The following EPG5 variants were observed in gnomAD, a reference collection of about 807,000 sequenced individuals.
The protein encoded by EPG5 is ectopic P-granules 5 autophagy tethering factor, also known as ectopic P granules protein 5 homolog.
A neutral mutation model predicts 302.7 loss-of-function variants in EPG5; 159 were observed. The ratio of observed to expected loss-of-function variants is 0.53; its 90% CI spans 0.46 to 0.60. The LOEUF (loss-of-function observed/expected upper bound fraction) is 0.60, where lower values mean the gene tolerates loss of function less well. Ranked by LOEUF, EPG5 falls within the 20% of genes least tolerant of loss-of-function variation. The pLI, the probability that EPG5 is intolerant of heterozygous loss-of-function variation, is 0.00. For synonymous variants in EPG5, 1,158 were observed against 1,136.8 expected (o/e 1.02, Z -0.37); for missense variants, 2,896 against 3,092.4 (o/e 0.94, Z 1.51).
intron 10 of EPG5, among the ~76,000 whole-genome samples, chr18:45,935,183 C>T (rs774118484): frequency 2.0e-5 from 3 of 152,180 alleles, no homozygotes; most frequent in Non-Finnish European, 4.4e-5. Context: ...ACAATGTGTG[C>T]ATGTGTGTGT....
intron 23 of EPG5, among the ~76,000 whole-genome samples, chr18:45,910,219 T>C (rs1353043788): frequency 6.6e-6 from 1 of 152,150 alleles, no homozygotes; most frequent in Non-Finnish European, 1.5e-5. Flanking sequence ...CAGGCTTTAA[T>C]AGTTGTTTAC....
chr18:45,861,345 C>T (rs1300754513), intron 39 of EPG5, among the ~76,000 whole-genome samples: 6 of 152,180 alleles, frequency 3.9e-5, no homozygotes, highest in East Asian at 1.9e-4. Flanking sequence ...TGAATTTCAA[C>T]GGAATAGCAA....
chr18:45,852,560 A>G lies in EPG5; in HGVS notation c.7647T>C (p.His2549=). 6.2e-7 allele frequency: 1 copy of G among 1,614,096 alleles called. No individual in the cohort carries two copies. The highest frequency in any genetic ancestry group is 2.2e-5 in the East Asian group (1 of 44,890). The stretch of plus-strand genomic sequence containing the variant: ...TCCCATCTTGAAGGCAATGGCCAGG[A>G]TGCCTTATAAATTGGGTGGCTTGCA... ...QILQATQFIR[H]PGHCLQDGKS... is the part of the protein sequence containing the mutation. The change falls in exon 44 of 44, where the codon CAT becomes CAC. Residue 2549 remains histidine (H), a synonymous_variant. Coordinates refer to ENST00000282041, the MANE Select transcript of EPG5 (RefSeq NM_020964.3).
chr18:45,870,584 T>C lies in EPG5; in HGVS notation c.6208A>G (p.Met2070Val). 6.2e-7 allele frequency: 1 copy of C among 1,612,622 alleles called. No homozygotes were observed. The highest frequency in any genetic ancestry group is 8.5e-7 in the Non-Finnish European group (1 of 1,178,714). Residue 2070 changes from methionine (M) to valine (V), a missense_variant, in exon 36 of 44, where the codon ATG (methionine) becomes GTG (valine). Coordinates refer to ENST00000282041, the MANE Select transcript of EPG5 (RefSeq NM_020964.3). Reference protein sequence around the residue: ...WKDLHPDQMLMEAFFKVERGS... With the variant: ...WKDLHPDQMLVEAFFKVERGS... ...GGGCTTACTTTGAAGAAGGCCTCCA[T>C]GAGCATCTGGTCAGGGTGCAGGTCC... is the stretch of plus-strand genomic sequence containing the variant.
At chr18:45,854,401 T>G (rs1263895786) in intron 43 of EPG5, among the ~76,000 whole-genome samples, 1 of 152,234 alleles carries the variant, frequency 6.6e-6, no homozygotes, top group Non-Finnish European at 1.5e-5. Flanking sequence ...GTTCAAGCTC[T>G]GAGCACTTAC....
downstream of EPG5, among the ~76,000 whole-genome samples, chr18:45,844,858 T>C (rs944507657): frequency 6.6e-6 from 1 of 152,158 alleles, no homozygotes; most frequent in Non-Finnish European, 1.5e-5. Context: ...GAGTGGTGTG[T>C]ATTGGAACAT....
rs967046930 is a variant in EPG5, at chr18:45,850,873, T to A, written c.*1594A>T. 1.3e-5 allele frequency: 2 copies of A among 152,632 alleles called. No individual in the cohort carries two copies. Among genetic ancestry groups the A allele is most frequent in the African/African-American group, 4.8e-5 (2 of 41,460 alleles). 9.5% of individuals were successfully genotyped at this position (152,632 alleles called of 1,614,324 possible). ...TTGTCCACAGCTTCTCAAATTTTCT[T>A]ATACAGAGAACAAGATGATTAATTT... On this transcript the variant is annotated 3_prime_UTR_variant, in exon 44 of 44. Transcript: ENST00000282041.
At chr18:45,945,029 C>T (rs1444396561) in intron 7 of EPG5, among the ~76,000 whole-genome samples, 1 of 152,080 alleles carries the variant, frequency 6.6e-6, no homozygotes, top group Non-Finnish European at 1.5e-5. Context: ...ATTCATGTCC[C>T]TTAGGACATG....
chr18:45,928,812 A>G (rs2050333058), intron 13 of EPG5, 57 bp downstream of exon 13: 7 of 1,551,064 alleles, frequency 4.5e-6, no homozygotes, highest in South Asian at 1.2e-5. Context: ...ATTTTTGCCA[A>G]TGTTCCATTA....
rs1428018967 is a variant in EPG5, at chr18:45,882,358, T to C, written c.5434A>G (p.Asn1812Asp). The C allele has an allele frequency of 3.1e-6, 5 of 1,614,198 alleles. No homozygotes were observed. The East Asian group carries it at 1.1e-4, about 36-fold the overall frequency. ...TAAGTCCAGTGCTTACAGAAAAGAT[T>C]AAATGGCATCAAAATATCCTCATCT... ...EPDEDILMPFNLFCKHWTYLL... is the reference protein window; with the variant it reads ...EPDEDILMPFDLFCKHWTYLL... Residue 1812 changes from asparagine to aspartate, a missense_variant, in exon 31 of 44, where the codon AAT (asparagine) becomes GAT (aspartate). Coordinates refer to ENST00000282041, the MANE Select transcript of EPG5 (RefSeq NM_020964.3).
chr18:45,895,955 C>A (rs1304069053), intron 27 of EPG5, among the ~76,000 whole-genome samples: 2 of 152,212 alleles, frequency 1.3e-5, no homozygotes, highest in African/African-American at 4.8e-5. Flanking sequence ...TATTTAAGTA[C>A]AATCTTTGGC....
chr18:45,823,587 A>T, the EPG5 span, among the ~76,000 whole-genome samples: 1 of 152,226 alleles, frequency 6.6e-6, no homozygotes, highest in Non-Finnish European at 1.5e-5. Context: ...AGTGTTAGCA[A>T]GTTTCAAGTA....
At chr18:45,900,614 T>G (rs879893477) in intron 26 of EPG5, among the ~76,000 whole-genome samples, 1 of 152,164 alleles carries the variant, frequency 6.6e-6, no homozygotes, top group Non-Finnish European at 1.5e-5. Flanking sequence ...TATGTCAATT[T>G]CTTAAAGAAT....
intron 1 of EPG5, among the ~76,000 whole-genome samples, chr18:45,962,766 CA>C (rs1198035719): frequency 1.3e-5 from 2 of 152,046 alleles, no homozygotes; most frequent in African/African-American, 4.8e-5. Context: ...AAATAGCTGC[CA>C]AATTATACTA....
At chr18:45,804,722 T>G in the EPG5 span, among the ~76,000 whole-genome samples, 9 of 152,204 alleles carry the variant, frequency 5.9e-5, no homozygotes, top group Non-Finnish European at 1.3e-4. Flanking sequence ...TTATAAGAAA[T>G]GCTAAAGAAA....
chr18:45,935,269 G>A (rs556517373), intron 10 of EPG5, among the ~76,000 whole-genome samples: 5 of 152,324 alleles, frequency 3.3e-5, no homozygotes, highest in East Asian at 1.9e-4. Flanking sequence ...ATGGCCGGGC[G>A]TGGTGGCTCA....
chr18:45,911,238 C>T (rs908020405), intron 22 of EPG5, among the ~76,000 whole-genome samples: 1 of 151,678 alleles, frequency 6.6e-6, no homozygotes, highest in Non-Finnish European at 1.5e-5. Context: ...ACTCTCCTGC[C>T]TCAGCCTCCC....
intron 39 of EPG5, among the ~76,000 whole-genome samples, chr18:45,862,285 T>G (rs1469712241): frequency 6.6e-6 from 1 of 152,236 alleles, no homozygotes; most frequent in African/African-American, 2.4e-5. Flanking sequence ...TTTCTCTTTA[T>G]TATTTCCTCC....
chr18:45,894,859 G>T (rs1172455456), intron 27 of EPG5, among the ~76,000 whole-genome samples: 4 of 152,152 alleles, frequency 2.6e-5, no homozygotes, highest in Admixed American at 2.6e-4. Context: ...GGCGCTAAGG[G>T]TCATATTCCT....
Sources: gnomAD v4.1 joint callset for allele counts (sites outside exome capture counted in the v4.1 genomes callset) on GRCh38, gnomAD v4.1.1 for gene constraint, MANE v1.5 for transcripts, NCBI Gene and HGNC (gene_info 2026-07-23, HGNC 2026-07-21) for gene names.